The following SLC6A6 variants were observed in gnomAD, a reference collection of about 807,000 sequenced individuals.
The protein encoded by SLC6A6 is solute carrier family 6 member 6.
A neutral mutation model predicts 68.8 loss-of-function variants in SLC6A6; 16 were observed. The ratio of observed to expected loss-of-function variants is 0.23; its 90% CI spans 0.16 to 0.35. The LOEUF (loss-of-function observed/expected upper bound fraction) is 0.35. SLC6A6 is among the 10% of genes least tolerant of loss of function. The probability of loss-of-function intolerance (pLI) is 1.00; values close to 1 mark genes in which losing one functional copy is unlikely to be tolerated. For synonymous variants in SLC6A6, 312 were observed against 315.4 expected, an observed-to-expected ratio of 0.99 and a Z score of 0.12; for missense variants, 474 against 802.8, an observed-to-expected ratio of 0.59 and a Z score of 4.95.
intron 12 of SLC6A6, 110 bp downstream of exon 12, chr3:14,478,678 T>C: frequency 1.3e-6 from 1 of 752,678 alleles, no homozygotes; most frequent in Non-Finnish European, 2.4e-6. Context: ...AGTTGAACAG[T>C]AGGCCCTCCC....
In SLC6A6 at chr3:14,413,888, T is replaced by C. The variant is rs576218968; in HGVS notation, c.-53-2524T>C. On this transcript the variant is annotated intron_variant, in intron 1 of 14. Coordinates refer to ENST00000622186, the MANE Select transcript of SLC6A6 (RefSeq NM_003043.6). Reference sequence around the variant, plus strand: ...CAAGGCAGGGTATAGGTCTGGATTCTTATCTTGCAAATGGCAGAAATCAGT... The same window carrying C: ...CAAGGCAGGGTATAGGTCTGGATTCCTATCTTGCAAATGGCAGAAATCAGT... Among the ~76,000 whole-genome samples the C allele has an allele frequency of 2.0e-5, 3 of 152,346 alleles. No homozygotes were observed. The South Asian group carries it at 6.2e-4, about 32-fold the overall frequency.
intron 6 of SLC6A6, among the ~76,000 whole-genome samples, chr3:14,463,848 C>T (rs1700552869): frequency 6.6e-6 from 1 of 152,320 alleles, no homozygotes; most frequent in South Asian, 2.1e-4. Flanking sequence ...TAGGGCCCAG[C>T]CTGTCAGTGT....
intron 2 of SLC6A6, among the ~76,000 whole-genome samples, chr3:14,422,499 T>C (rs1369941220): frequency 6.6e-6 from 1 of 152,166 alleles, no homozygotes; most frequent in African/African-American, 2.4e-5. Flanking sequence ...TCCTCTGAGC[T>C]GAGCGTCCTC....
intron 2 of SLC6A6, among the ~76,000 whole-genome samples, chr3:14,419,135 T>G (rs79088439): frequency 1.6e-3 from 242 of 152,338 alleles, no homozygotes; most frequent in African/African-American, 5.8e-3. Context: ...TGCTGATGTA[T>G]TTGCGCTTGG....
At chr3:14,449,861 C>T (rs1219525826) in intron 5 of SLC6A6, among the ~76,000 whole-genome samples, 2 of 152,126 alleles carry the variant, frequency 1.3e-5, no homozygotes, top group South Asian at 2.1e-4. Context: ...AAGCAATTCT[C>T]CTGCCTCAGC....
At chr3:14,414,617 C>A (rs1296853435) in intron 1 of SLC6A6, among the ~76,000 whole-genome samples, 2 of 152,100 alleles carry the variant, frequency 1.3e-5, no homozygotes, top group Non-Finnish European at 2.9e-5. Flanking sequence ...CCTCAAACTT[C>A]TGGGCTCAAG....
rs1700227986 is a variant in SLC6A6 at position 14,450,388 on chromosome 3, T to C, written c.599+2572T>C. On this transcript the variant is annotated intron_variant, in intron 5 of 14. Transcript: ENST00000622186. This position sits in a 1 kb window ranked among gnomAD's most constrained non-coding sequence, Gnocchi z 4.1. ...AAGACACTGAGACAGTATTTATCTT[T>C]GGAAAGTGTCTGGTTCTGCAGGCAT... is the stretch of plus-strand genomic sequence containing the variant. Among the ~76,000 whole-genome samples the C allele has an allele frequency of 6.6e-6, 1 of 152,144 alleles. No homozygotes were observed.
intron 2 of SLC6A6, among the ~76,000 whole-genome samples, chr3:14,417,947 C>T (rs970624740): frequency 1.3e-5 from 2 of 152,192 alleles, no homozygotes; most frequent in Non-Finnish European, 2.9e-5. Flanking sequence ...GTCTCCTTCG[C>T]TGATTAAGAC....
intron 2 of SLC6A6, among the ~76,000 whole-genome samples, chr3:14,417,815 G>T (rs1260458750): frequency 2.0e-5 from 3 of 151,056 alleles, no homozygotes; most frequent in Admixed American, 2.0e-4. Flanking sequence ...ATTTAACATT[G>T]ACGTGATTCT....
At chr3:14,476,706 G>T (rs1186480736) in intron 10 of SLC6A6, among the ~76,000 whole-genome samples, 1 of 152,232 alleles carries the variant, frequency 6.6e-6, no homozygotes, top group Non-Finnish European at 1.5e-5. Context: ...TTTCTGAGCA[G>T]CCAATGTGTC....
At chr3:14,456,397 TTCATTCAC>T in intron 5 of SLC6A6, among the ~76,000 whole-genome samples, 1 of 152,322 alleles carries the variant, frequency 6.6e-6, no homozygotes, top group South Asian at 2.1e-4. Flanking sequence ...GTTGAGTCCA[TTCATTCAC>T]TCATTCACTC....
chr3:14,467,095 G>T (rs1029686377), intron 7 of SLC6A6, among the ~76,000 whole-genome samples: 2 of 152,146 alleles, frequency 1.3e-5, no homozygotes, highest in Non-Finnish European at 2.9e-5. Context: ...GGGTCCACGG[G>T]CAGATACCGA....
chr3:14,425,030 A>T (rs1286393937), intron 2 of SLC6A6, among the ~76,000 whole-genome samples: 2 of 152,170 alleles, frequency 1.3e-5, no homozygotes, highest in Admixed American at 1.3e-4. Flanking sequence ...GGATGCTAAG[A>T]AGGGGCGGAG....
Position 14,402,687 on chromosome 3 carries a change from A to C in SLC6A6, c.-214A>C, listed in dbSNP as rs1699010482. 1 of 398,216 alleles carries C rather than the reference A, an allele frequency of 2.5e-6. No individual in the cohort carries two copies. Among genetic ancestry groups the C allele is most frequent in the Non-Finnish European group, 4.4e-6 (1 of 225,846 alleles). The allele number at this position is 398,216 out of a possible 1,614,324, so 24.7% of individuals were successfully genotyped here. On this transcript the variant is annotated 5_prime_UTR_variant, in exon 1 of 15. Coordinates refer to ENST00000622186, the MANE Select transcript of SLC6A6 (RefSeq NM_003043.6). The surrounding 1 kb of genome is among the most constrained non-coding windows in gnomAD (Gnocchi z 4.8). ...TTACCGCTTCCTTCGCGCCGCCGCC[A>C]ACGCCGAGCCCCGAGGACCGCAAGC...
intron 13 of SLC6A6, among the ~76,000 whole-genome samples, chr3:14,480,210 C>T (rs943233464): frequency 6.6e-6 from 1 of 152,190 alleles, no homozygotes; most frequent in Non-Finnish European, 1.5e-5. Context: ...CTCTGAAGTG[C>T]AGACTTTCTC....
rs1700681027 is a variant in SLC6A6 at position 14,468,634 on chromosome 3, C to T, written c.1096+422C>T. Among the ~76,000 whole-genome samples the T allele has an allele frequency of 6.6e-6, 1 of 152,152 alleles. No individual in the cohort carries two copies. Among genetic ancestry groups the T allele is most frequent in the African/African-American group, 2.4e-5 (1 of 41,424 alleles). ...TTTTGCACTTTGCTCCCAGCGTGCT[C>T]CCTCTAAGCAGACGCATTCATCCAT... On this transcript the variant is annotated intron_variant, in intron 9 of 14. Transcript: ENST00000622186. The surrounding 1 kb of genome is among the most constrained non-coding windows in gnomAD (Gnocchi z 4.5).
chr3:14,483,885 G>C (rs976560914), intron 14 of SLC6A6, among the ~76,000 whole-genome samples: 3 of 151,944 alleles, frequency 2.0e-5, no homozygotes, highest in African/African-American at 4.8e-5. Context: ...GGGTCTCACT[G>C]TGTTGCCCAG....
intron 11 of SLC6A6, among the ~76,000 whole-genome samples, chr3:14,478,043 AG>A (rs893934103): frequency 6.6e-6 from 1 of 151,382 alleles, no homozygotes; most frequent in Admixed American, 6.6e-5. Context: ...CCCATTTAAC[AG>A]TTCTCCGAAA....
At chr3:14,457,829 CTT>C (rs1700403349) in intron 5 of SLC6A6, 119 bp from the exon 6 acceptor site, 5 of 854,660 alleles carry the variant, frequency 5.9e-6, no homozygotes, top group Non-Finnish European at 9.4e-6. Context: ...GGTGAGGTGA[CTT>C]ATGTAAATGC....
Sources: allele counts gnomAD v4.1 joint callset (sites outside exome capture counted in the v4.1 genomes callset), GRCh38; gene constraint gnomAD v4.1.1; non-coding constraint Gnocchi (gnomAD v3.1); transcripts MANE v1.5; gene names NCBI Gene and HGNC (gene_info 2026-07-23, HGNC 2026-07-21).